Variants in PLCG2 observed in about 807,000 individuals in gnomAD.
PLCG2 encodes 1-phosphatidylinositol 4,5-bisphosphate phosphodiesterase gamma-2.
A neutral mutation model predicts 175.6 loss-of-function variants in PLCG2; 69 were observed. That is an observed-to-expected ratio of 0.39 (90% CI 0.32 to 0.48). The LOEUF (loss-of-function observed/expected upper bound fraction) is 0.48. Ranked by LOEUF, PLCG2 falls within the 20% of genes least tolerant of loss-of-function variation. PLCG2 has a pLI of 0.91. For synonymous variants in PLCG2, 827 were observed against 624.0 expected, an observed-to-expected ratio of 1.33 and a Z score of -4.85; for missense variants, 1,798 against 1,650.9, an observed-to-expected ratio of 1.09 and a Z score of -1.54.
chr16:81,853,767 A>G (rs7500467), intron 2 of PLCG2, among the ~76,000 whole-genome samples: 32,380 of 152,050 alleles, frequency 0.21, 3,467 homozygotes, highest in African/African-American at 0.23. Flanking sequence ...AGCTGGCTAT[A>G]TAAGGCATAA....
intron 8 of PLCG2, 135 bp downstream of exon 8, chr16:81,881,088 A>G (rs958152723): frequency 2.5e-6 from 2 of 803,668 alleles, no homozygotes; most frequent in African/African-American, 1.7e-5. Context: ...CTGCTGGGGA[A>G]TTGGCCATCC....
intron 5 of PLCG2, 84 bp downstream of exon 5, chr16:81,859,247 G>T: frequency 1.1e-6 from 1 of 873,920 alleles, no homozygotes; most frequent in South Asian, 1.4e-5. Context: ...GTGGGAGCAT[G>T]ACTTGTCGGG....
At chr16:81,768,695 A>T (rs1910207606) in intron 2 of PLCG2, among the ~76,000 whole-genome samples, 1 of 151,278 alleles carries the variant, frequency 6.6e-6, no homozygotes, top group Admixed American at 6.6e-5. Context: ...CCTTCCGAGT[A>T]GCTGGGATTA....
At chr16:81,806,479 C>G (rs1470171565) in intron 2 of PLCG2, among the ~76,000 whole-genome samples, 1 of 152,046 alleles carries the variant, frequency 6.6e-6, no homozygotes, top group Admixed American at 6.5e-5. Context: ...CTGCAGATTA[C>G]TGGGTAATCA....
At chr16:81,896,360 A>C (rs1458595004) in intron 13 of PLCG2, among the ~76,000 whole-genome samples, 4 of 136,932 alleles carry the variant, frequency 2.9e-5, no homozygotes, top group Non-Finnish European at 4.6e-5. Context: ...CCCCTTCTCT[A>C]CCAAAACACA....
chr16:81,905,864 T>G (rs13336519), intron 15 of PLCG2, among the ~76,000 whole-genome samples: 26,482 of 152,066 alleles, frequency 0.17, 2,918 homozygotes, highest in African/African-American at 0.31. Flanking sequence ...TTAGTCGTGT[T>G]GCCCAGGGTG....
chr16:81,912,743 C>T (rs773916539), intron 19 of PLCG2, 27 bp downstream of exon 19: 1 of 1,574,320 alleles, frequency 6.4e-7, no homozygotes, highest in East Asian at 2.3e-5. Flanking sequence ...GAGGCACATG[C>T]TCTACAGAGG....
intron 30 of PLCG2, among the ~76,000 whole-genome samples, chr16:81,940,782 CA>C (rs1398862945): frequency 6.6e-6 from 1 of 151,754 alleles, no homozygotes; most frequent in Non-Finnish European, 1.5e-5. Context: ...TTTACAAAAA[CA>C]AAAAAAACTG....
At chr16:81,772,464 T>TGGAAGGTAAGACACGGGGCCTG (rs1910302580) in intron 2 of PLCG2, among the ~76,000 whole-genome samples, 1 of 152,006 alleles carries the variant, frequency 6.6e-6, no homozygotes, top group African/African-American at 2.4e-5. Context: ...CGGCAGCCTT[T>TGGAAGGTAAGACACGGGGCCTG]GGAAGGTAAG....
intron 2 of PLCG2, among the ~76,000 whole-genome samples, chr16:81,820,825 T>C (rs1904764849): frequency 6.6e-6 from 1 of 150,996 alleles, no homozygotes; most frequent in African/African-American, 2.4e-5. Flanking sequence ...CTCATCATGT[T>C]GGCTAGGCTA....
chr16:81,939,422 C>T (rs527343559), intron 29 of PLCG2, among the ~76,000 whole-genome samples: 2 of 152,246 alleles, frequency 1.3e-5, no homozygotes, highest in East Asian at 3.9e-4. Flanking sequence ...AAAAAGTAGC[C>T]CAATGAACAA....
At chr16:81,784,846 T>A (rs1398720668) in intron 1 of PLCG2, among the ~76,000 whole-genome samples, 3 of 152,084 alleles carry the variant, frequency 2.0e-5, no homozygotes, top group Non-Finnish European at 4.4e-5. Flanking sequence ...CTCCAGGGCC[T>A]GGGGAGCGCC....
chr16:81,841,106 C>T (rs1905802218), intron 2 of PLCG2, among the ~76,000 whole-genome samples: 1 of 152,230 alleles, frequency 6.6e-6, no homozygotes, highest in African/African-American at 2.4e-5. Flanking sequence ...ATTTTCGCCT[C>T]TGCTGTCAGC....
At chr16:81,794,819 T>G (rs991440227) in intron 2 of PLCG2, among the ~76,000 whole-genome samples, 3 of 152,196 alleles carry the variant, frequency 2.0e-5, no homozygotes, top group African/African-American at 7.2e-5. Flanking sequence ...ATACTACATT[T>G]TCCATTTATA....
intron 9 of PLCG2, among the ~76,000 whole-genome samples, chr16:81,884,045 A>AC (rs1409388525): frequency 1.3e-5 from 2 of 152,038 alleles, no homozygotes; most frequent in South Asian, 2.1e-4. Context: ...AGCCCCCCCT[A>AC]CCCCCCAGCG....
chr16:81,765,628 C>T (rs1165569709), intron 2 of PLCG2, among the ~76,000 whole-genome samples: 2 of 42,534 alleles, frequency 4.7e-5, no homozygotes, highest in African/African-American at 8.7e-5. Flanking sequence ...GAGACTCGGT[C>T]TCAATAAATA....
chr16:81,893,961 CTTTT>C (rs74264894), intron 12 of PLCG2, among the ~76,000 whole-genome samples, 167 bp downstream of exon 12: 1 of 134,566 alleles, frequency 7.4e-6, no homozygotes, highest in Non-Finnish European at 1.6e-5. Flanking sequence ...TTTTTTCTTT[CTTTT>C]TTTTTTTTTT....
At chr16:81,906,292 C>T (rs1296808159) in intron 15 of PLCG2, 1 of 152,194 alleles carries the variant, frequency 6.6e-6, no homozygotes, top group Non-Finnish European at 1.5e-5. Flanking sequence ...GTCGTTCCAC[C>T]AGAAACCTTA....
rs929160343 is a variant in PLCG2, at chr16:81,958,031, T to A, written c.*33T>A. 4.1e-6 allele frequency: 6 copies of A among 1,468,646 alleles called. No homozygotes were observed. In the South Asian group the frequency reaches 6.8e-5, roughly 17 times the overall value. 91.0% of individuals were successfully genotyped at this position (1,468,646 alleles called of 1,614,324 possible). A position where few individuals can be genotyped will look rare whatever the true frequency, so the allele number is the denominator to read the frequency against. On this transcript the variant is annotated 3_prime_UTR_variant, in exon 33 of 33. Transcript: ENST00000564138. ...GGTATGTGTGTAAGGGTATTGTGTG[T>A]GTGCGCATGTGTGTTTGCATGTAGG... is the stretch of plus-strand genomic sequence containing the variant.
Sources: allele counts gnomAD v4.1 joint callset (sites outside exome capture counted in the v4.1 genomes callset), GRCh38; gene constraint gnomAD v4.1.1; transcripts MANE v1.5; gene names NCBI Gene and HGNC (gene_info 2026-07-23, HGNC 2026-07-21).